ALDH18A1: variants seen among roughly 807,000 people sequenced by gnomAD.
ALDH18A1 encodes delta-1-pyrroline-5-carboxylate synthase.
Under a neutral mutation model 88.8 loss-of-function variants are expected in ALDH18A1, and 44 were observed. That is an observed-to-expected ratio of 0.50 (90% CI 0.39 to 0.64). ALDH18A1 has a LOEUF of 0.64. Among genes scored for constraint, ALDH18A1 ranks in the 30% least tolerant of loss-of-function variants. ALDH18A1 has a pLI of 0.00. For synonymous variants in ALDH18A1, 331 were observed against 372.1 expected (o/e 0.89, Z 1.27); for missense variants, 782 against 1,009.5 (o/e 0.77, Z 3.05).
At chr10:95,630,118 C>CA (rs988795448) in intron 7 of ALDH18A1, among the ~76,000 whole-genome samples, 11 of 82,934 alleles carry the variant, frequency 1.3e-4, no homozygotes, top group Admixed American at 7.7e-4. Context: ...CTTCTTTCCC[C>CA]CCCCTCTCCC....
chr10:95,651,415 T>A (rs2097910216), intron 2 of ALDH18A1, among the ~76,000 whole-genome samples: 1 of 149,944 alleles, frequency 6.7e-6, no homozygotes, highest in South Asian at 2.1e-4. Flanking sequence ...TGACAGTTTC[T>A]TATAAAACTG....
At chr10:95,617,379 C>T (rs183581358) in intron 12 of ALDH18A1, among the ~76,000 whole-genome samples, 1 of 152,380 alleles carries the variant, frequency 6.6e-6, no homozygotes, top group Non-Finnish European at 1.5e-5. Context: ...TGAGGCTGGG[C>T]AGCTCCTCTG....
rs2097913319 is a variant in ALDH18A1 at position 95,653,342 on chromosome 10, G to C, written c.36C>G (p.Pro12=). 1.2e-6 allele frequency: 2 copies of C among 1,612,490 alleles called. No homozygotes were observed. Among genetic ancestry groups the C allele is most frequent in the Admixed American group, 1.7e-5 (1 of 59,600 alleles). Reference sequence around the variant, plus strand: ...CCCAGGGCAGAAGATGTTGGTTGAAGGGCTGGAACCCACAGCGGTAAACTT... The same window carrying C: ...CCCAGGGCAGAAGATGTTGGTTGAACGGCTGGAACCCACAGCGGTAAACTT... The part of the protein sequence containing the change: ...LSQVYRCGFQ[P]FNQHLLPWVK... The change falls in exon 2 of 18, where the codon CCC becomes CCG. Residue 12 remains proline, a synonymous_variant. Transcript: ENST00000371224.
intron 13 of ALDH18A1, among the ~76,000 whole-genome samples, chr10:95,615,407 G>A (rs1018322105): frequency 6.6e-6 from 1 of 152,110 alleles, no homozygotes. Flanking sequence ...TGGGGAAGGG[G>A]GCTACATATT....
At position 95,606,447 on chromosome 10, in the gene ALDH18A1, C is replaced by T. The variant is rs1460796990; in HGVS notation, c.*315G>A. 8.2e-6 allele frequency: 10 copies of T among 1,218,080 alleles called. No homozygotes were observed. The highest frequency in any genetic ancestry group is 1.0e-5 in the Non-Finnish European group (10 of 967,210). 75.5% of individuals were successfully genotyped at this position (1,218,080 alleles called of 1,614,324 possible). A position where few individuals can be genotyped will look rare whatever the true frequency, so the allele number is the denominator to read the frequency against. ...GGGACTGTAAGTCACTGAGGTGACA[C>T]AAAGCAGCCATGGGTTTTCCTCGCC... On this transcript the variant is annotated 3_prime_UTR_variant, in exon 18 of 18. Coordinates refer to ENST00000371224, the MANE Select transcript of ALDH18A1 (RefSeq NM_002860.4).
chr10:95,654,234 G>A (rs942774230), intron 1 of ALDH18A1, among the ~76,000 whole-genome samples: 1 of 149,404 alleles, frequency 6.7e-6, no homozygotes, highest in Non-Finnish European at 1.5e-5. Flanking sequence ...GAGCGATCTC[G>A]GCTCACTGCA....
Position 95,611,423 on chromosome 10 carries a change from G to T in ALDH18A1, c.1943C>A (p.Pro648His). The change falls in exon 16 of 18, where the codon CCC becomes CAC. Residue 648 changes from proline to histidine, a missense_variant. Around this residue, in one of 3 missense-constraint regions of ALDH18A1, gnomAD observed 556 missense variants for 654.5 expected, o/e 0.85. Transcript: ENST00000371224. ...GAAGGTCAGATAGGAGGCAAATTTG[G>T]GGCCTGCATGAATTTTTACCTGGAA... The part of the protein sequence containing the change: ...RVEQVKIHAG[P>H]KFASYLTFSP... The T allele has an allele frequency of 6.2e-7, 1 of 1,614,164 alleles. No homozygotes were observed. The highest frequency in any genetic ancestry group is 8.5e-7 in the Non-Finnish European group (1 of 1,180,018).
At chr10:95,641,007 C>T (rs1041958433) in intron 3 of ALDH18A1, among the ~76,000 whole-genome samples, 2 of 152,160 alleles carry the variant, frequency 1.3e-5, no homozygotes, top group Admixed American at 6.5e-5. Context: ...TCCTCCCTGG[C>T]CCACAGCATG....
In ALDH18A1 at chr10:95,621,259, G is replaced by C; in HGVS notation, c.1247-8C>G. 1 of 1,608,102 alleles carries C rather than the reference G, an allele frequency of 6.2e-7. No individual in the cohort carries two copies. Among genetic ancestry groups the C allele is most frequent in the Non-Finnish European group, 8.5e-7 (1 of 1,177,280 alleles). On this transcript the variant is annotated splice_region_variant and splice_polypyrimidine_tract_variant and intron_variant, in intron 11 of 17. Transcript: ENST00000371224. The stretch of plus-strand genomic sequence containing the variant: ...GAGGAGCTGCAAGTCTCCCTGAAAA[G>C]CCATTAAGAGGATATGATAAAGTAG...
chr10:95,656,073 G>A (rs1462388644), intron 1 of ALDH18A1, among the ~76,000 whole-genome samples: 1 of 152,264 alleles, frequency 6.6e-6, no homozygotes, highest in East Asian at 1.9e-4. Context: ...ATACTGCAAA[G>A]GGAGTCTGGC....
At chr10:95,616,920 A>C (rs1207315541) in intron 12 of ALDH18A1, among the ~76,000 whole-genome samples, 1 of 152,170 alleles carries the variant, frequency 6.6e-6, no homozygotes, top group African/African-American at 2.4e-5. Context: ...TTTAGCAACT[A>C]AACTATATGG....
intron 2 of ALDH18A1, among the ~76,000 whole-genome samples, chr10:95,652,924 C>T (rs1401806228): frequency 2.6e-5 from 4 of 151,726 alleles, no homozygotes; most frequent in Non-Finnish European, 5.9e-5. Flanking sequence ...CGATGGCTCA[C>T]GCCTGTAATC....
At chr10:95,613,643 A>G in intron 15 of ALDH18A1, 99 bp downstream of exon 15, 1 of 1,483,800 alleles carries the variant, frequency 6.7e-7, no homozygotes, top group Non-Finnish European at 9.4e-7. Flanking sequence ...ATTAAAAAAT[A>G]TTGTTTCTTA....
chr10:95,638,506 T>C (rs2097885403), intron 3 of ALDH18A1, among the ~76,000 whole-genome samples: 3 of 152,186 alleles, frequency 2.0e-5, no homozygotes, highest in African/African-American at 7.2e-5. Flanking sequence ...GAAGGCCTAG[T>C]TCCTCCAAGA....
intron 11 of ALDH18A1, among the ~76,000 whole-genome samples, chr10:95,623,940 A>T (rs2097856880): frequency 6.6e-6 from 1 of 152,062 alleles, no homozygotes; most frequent in Non-Finnish European, 1.5e-5. Context: ...ACCTCAGCTG[A>T]TCCGCCCACC....
At chr10:95,651,867 ACT>A (rs1198757306) in intron 2 of ALDH18A1, among the ~76,000 whole-genome samples, 1 of 152,120 alleles carries the variant, frequency 6.6e-6, no homozygotes, top group Non-Finnish European at 1.5e-5. Context: ...CAGCAACTAC[ACT>A]CTTAGGCATT....
chr10:95,607,846 A>G (rs2097825671), intron 17 of ALDH18A1, among the ~76,000 whole-genome samples: 1 of 152,148 alleles, frequency 6.6e-6, no homozygotes, highest in Non-Finnish European at 1.5e-5. Flanking sequence ...AAAACCAGAC[A>G]GAGGTGCTGC....
chr10:95,633,764 A>C (rs1233889828), intron 5 of ALDH18A1, 115 bp from the exon 6 acceptor site: 2 of 845,812 alleles, frequency 2.4e-6, no homozygotes, highest in Non-Finnish European at 3.8e-6. Context: ...GGCCCCACAC[A>C]GATTAGAAGA....
At chr10:95,645,913 A>T (rs567283067) in intron 2 of ALDH18A1, among the ~76,000 whole-genome samples, 1 of 152,114 alleles carries the variant, frequency 6.6e-6, no homozygotes, top group Non-Finnish European at 1.5e-5. Flanking sequence ...TAATATAGGT[A>T]CCCTACTCTG....
Sources: gnomAD v4.1 joint callset for allele counts (sites outside exome capture counted in the v4.1 genomes callset) on GRCh38, gnomAD v4.1.1 for gene constraint, gnomAD v4.1.1 regional missense constraint, MANE v1.5 for transcripts, NCBI Gene and HGNC (gene_info 2026-07-23, HGNC 2026-07-21) for gene names.